TNRC6B: variants seen among roughly 807,000 people sequenced by gnomAD.
TNRC6B encodes the protein trinucleotide repeat containing adaptor 6B.
TNRC6B carries 52 observed loss-of-function variants against 203.6 expected under a neutral mutation model. The observed-to-expected ratio is 0.26, with a 90% CI of 0.20 to 0.32. TNRC6B has a LOEUF of 0.32. TNRC6B is among the 10% of genes least tolerant of loss of function. TNRC6B has a pLI of 1.00. For synonymous variants in TNRC6B, 838 were observed against 845.7 expected, an observed-to-expected ratio of 0.99 and a Z score of 0.16; for missense variants, 1,923 against 2,286.2, an observed-to-expected ratio of 0.84 and a Z score of 3.24.
At chr22:40,104,574 G>A (rs1216783917) in intron 1 of TNRC6B, among the ~76,000 whole-genome samples, 1 of 152,202 alleles carries the variant, frequency 6.6e-6, no homozygotes, top group African/African-American at 2.4e-5. Flanking sequence ...GGATTGAGAT[G>A]TGAAAGATTT....
chr22:40,081,316 T>TG (rs1195482104), intron 1 of TNRC6B, among the ~76,000 whole-genome samples: 2 of 144,964 alleles, frequency 1.4e-5, no homozygotes, highest in Admixed American at 6.7e-5. Context: ...TGTTTTTTTT[T>TG]TTTTTTTTTT....
chr22:40,089,382 ACTAC>A (rs2068129944), intron 1 of TNRC6B, among the ~76,000 whole-genome samples: 1 of 151,916 alleles, frequency 6.6e-6, no homozygotes, highest in Non-Finnish European at 1.5e-5. Flanking sequence ...ACAGGCACAC[ACTAC>A]CACACCCAGC....
At chr22:40,191,245 T>G (rs2069268453) in intron 1 of TNRC6B, among the ~76,000 whole-genome samples, 1 of 152,144 alleles carries the variant, frequency 6.6e-6, no homozygotes, top group Non-Finnish European at 1.5e-5. Context: ...GCCCCAGTTT[T>G]CTCATTGGTA....
intron 1 of TNRC6B, among the ~76,000 whole-genome samples, chr22:40,052,444 ATTTTTTTTT>A (rs908013463): frequency 1.3e-4 from 7 of 51,858 alleles, no homozygotes; most frequent in African/African-American, 3.6e-4. Context: ...TGTGTATTGT[ATTTTTTTTT>A]TTTTTTTTTT....
chr22:40,116,065 G>A (rs59155302), intron 1 of TNRC6B, among the ~76,000 whole-genome samples: 8,676 of 152,280 alleles, frequency 0.057, 791 homozygotes, highest in African/African-American at 0.19. Flanking sequence ...GGGCAGTGAG[G>A]TGCTTTCAGA....
chr22:40,077,547 C>G (rs529934476), intron 1 of TNRC6B, among the ~76,000 whole-genome samples: 4 of 152,048 alleles, frequency 2.6e-5, no homozygotes, highest in Admixed American at 2.6e-4. Flanking sequence ...ATCACACATA[C>G]GGTGATTCAG....
intron 1 of TNRC6B, among the ~76,000 whole-genome samples, chr22:40,236,540 T>C (rs894229382): frequency 3.3e-5 from 5 of 152,186 alleles, no homozygotes; most frequent in Admixed American, 1.3e-4. Flanking sequence ...CTTGATTTTG[T>C]GGAGTTGGAA....
upstream of TNRC6B, among the ~76,000 whole-genome samples, chr22:40,175,829 G>A (rs1280171290): frequency 6.6e-6 from 1 of 152,226 alleles, no homozygotes; most frequent in Non-Finnish European, 1.5e-5. Context: ...AGATTGTCCA[G>A]GCATTGGCCT....
rs368534908 is a variant in TNRC6B, at chr22:40,310,976, A to G, written c.4418A>G (p.Asn1473Ser). 23 of 1,607,822 alleles carry G rather than the reference A, an allele frequency of 1.4e-5. No homozygotes were observed. The highest frequency in any genetic ancestry group is 1.9e-5 in the Non-Finnish European group (22 of 1,177,944). The change falls in exon 17 of 23, where the codon AAT (asparagine) becomes AGT (serine). Residue 1473 changes from asparagine to serine, a missense_variant. This residue lies in a region of TNRC6B where 242 missense variants were observed against 399.5 expected (regional missense o/e 0.61). Transcript: ENST00000454349. Reference protein sequence around the residue: ...PTNKIGSKSSNASWPPEFQPG... With the variant: ...PTNKIGSKSSSASWPPEFQPG... ...AATAAAATCGGAAGTAAATCCAGCA[A>G]TGCCAGTTGGCCTCCAGGTATTGTC...
In TNRC6B at chr22:40,094,482, C is replaced by A. The variant is rs2068172700; in HGVS notation, c.-120-22573C>A. Among the ~76,000 whole-genome samples, 3 of 151,486 alleles carry A rather than the reference C, an allele frequency of 2.0e-5. No homozygotes were observed. The South Asian group carries it at 6.2e-4, about 31-fold the overall frequency. ...ACTGTATATGAAATATTTAAAAAAA[C>A]AAAAACAGTTTGAAGAAGAAGTTGA... On this transcript the variant is annotated intron_variant, in intron 1 of 23. Transcript: ENST00000301923.
chr22:40,314,530 A>G (rs867789198), intron 19 of TNRC6B, among the ~76,000 whole-genome samples: 1 of 152,132 alleles, frequency 6.6e-6, no homozygotes, highest in African/African-American at 2.4e-5. Context: ...TTTATGTTGA[A>G]CCTTGGTTTA....
intron 12 of TNRC6B, among the ~76,000 whole-genome samples, chr22:40,295,837 T>C (rs2070931653): frequency 6.6e-6 from 1 of 152,222 alleles, no homozygotes; most frequent in Non-Finnish European, 1.5e-5. Context: ...GCCCAGGGTT[T>C]ACAGAGTGGA....
In TNRC6B at chr22:40,143,508, G is replaced by C. The variant is rs1008074402; in HGVS notation, c.46-12607G>C. ...TTGCAATACATCTTTTTTTGTGGGGGGGATAGAGTCTCGCTCTGTCACCCA... is the reference window on the plus strand; with the variant it reads ...TTGCAATACATCTTTTTTTGTGGGGCGGATAGAGTCTCGCTCTGTCACCCA... On this transcript the variant is annotated intron_variant, in intron 3 of 23. Coordinates refer to the TNRC6B transcript ENST00000301923. Among the ~76,000 whole-genome samples, 7 of 151,900 alleles carry C rather than the reference G, an allele frequency of 4.6e-5. No individual in the cohort carries two copies. The East Asian group carries it at 1.4e-3, about 29-fold the overall frequency.
intron 1 of TNRC6B, among the ~76,000 whole-genome samples, chr22:40,193,924 A>G (rs932834780): frequency 6.6e-6 from 1 of 151,688 alleles, no homozygotes; most frequent in Non-Finnish European, 1.5e-5. Context: ...GAGAGAGGAG[A>G]TGCGTTATAT....
At chr22:40,120,913 G>A (rs1353105890) in intron 2 of TNRC6B, among the ~76,000 whole-genome samples, 2 of 152,208 alleles carry the variant, frequency 1.3e-5, no homozygotes, top group Non-Finnish European at 2.9e-5. Flanking sequence ...CCTAGCCAAC[G>A]AAAGGAGCAG....
At chr22:40,302,664 C>G (rs2071038793) in intron 15 of TNRC6B, among the ~76,000 whole-genome samples, 1 of 150,536 alleles carries the variant, frequency 6.6e-6, no homozygotes. Flanking sequence ...GTTGGGAAGA[C>G]ATGAAATTGC....
intron 4 of TNRC6B, among the ~76,000 whole-genome samples, chr22:40,165,968 G>T (rs1483179896): frequency 2.0e-5 from 3 of 149,460 alleles, no homozygotes; most frequent in South Asian, 4.2e-4. Flanking sequence ...GGTTTTTTTT[G>T]TTGTTGTTTT....
rs767469910 is a variant in TNRC6B, at chr22:40,280,007, A to G, written c.3275A>G (p.Asp1092Gly). Residue 1092 changes from aspartate to glycine, a missense_variant, in exon 10 of 23, where the codon GAT (aspartate) becomes GGT (glycine). By Grantham distance (94) the Asp-to-Gly change is moderately conservative. Transcript: ENST00000454349. ...KMDLSVGSLS[D>G]KKFDVDKRAM... ...TGCTACTTTTCAGGAAGCCTTTCAG[A>G]TAAAAAATTTGATGTGGACAAGCGA... 6.2e-7 allele frequency: 1 copy of G among 1,613,942 alleles called. No homozygotes were observed.
intron 15 of TNRC6B, among the ~76,000 whole-genome samples, chr22:40,301,885 C>T (rs2071028426): frequency 6.6e-6 from 1 of 152,282 alleles, no homozygotes; most frequent in South Asian, 2.1e-4. Flanking sequence ...GCAAACTGCT[C>T]TCCTACCGCC....
Sources: gnomAD v4.1 joint callset for allele counts (sites outside exome capture counted in the v4.1 genomes callset) on GRCh38, gnomAD v4.1.1 for gene constraint, gnomAD v4.1.1 regional missense constraint, MANE v1.5 for transcripts, NCBI Gene and HGNC (gene_info 2026-07-23, HGNC 2026-07-21) for gene names.